The following DLGAP2 variants were observed in gnomAD, a reference collection of about 807,000 sequenced individuals.
DLGAP2 encodes disks large-associated protein 2.
DLGAP2 carries 26 observed loss-of-function variants against 100.3 expected under a neutral mutation model. That is an observed-to-expected ratio of 0.26 (90% CI 0.19 to 0.36). DLGAP2 has a LOEUF of 0.36. Among genes scored for constraint, DLGAP2 ranks in the 10% least tolerant of loss-of-function variants. DLGAP2 has a pLI of 1.00. For synonymous variants in DLGAP2, 886 were observed against 630.1 expected (o/e 1.41, Z -6.08); for missense variants, 1,858 against 1,453.2 (o/e 1.28, Z -4.53).
intron 3 of DLGAP2, among the ~76,000 whole-genome samples, chr8:1,353,886 A>G (rs1801789849): frequency 6.6e-6 from 1 of 152,190 alleles, no homozygotes; most frequent in Non-Finnish European, 1.5e-5. Flanking sequence ...ATATCCCTAG[A>G]GGGGAAAAAA....
intron 1 of DLGAP2, among the ~76,000 whole-genome samples, chr8:801,554 G>A (rs1034432682): frequency 6.6e-6 from 1 of 152,186 alleles, no homozygotes; most frequent in African/African-American, 2.4e-5. Context: ...TGCCTGGTTC[G>A]GCCTTAGCCC....
intron 3 of DLGAP2, among the ~76,000 whole-genome samples, chr8:1,341,339 G>A (rs1801411746): frequency 6.6e-6 from 1 of 152,172 alleles, no homozygotes; most frequent in South Asian, 2.1e-4. Flanking sequence ...ACAGAGACGT[G>A]CAGTCCTTTT....
chr8:1,471,368 C>G (rs941058103), intron 3 of DLGAP2, among the ~76,000 whole-genome samples: 1 of 150,354 alleles, frequency 6.7e-6, no homozygotes, highest in Non-Finnish European at 1.5e-5. Flanking sequence ...TTCCCGACCC[C>G]TCCAGCCTTT....
At chr8:856,269 A>C (rs1014187698) in intron 1 of DLGAP2, among the ~76,000 whole-genome samples, 2 of 149,942 alleles carry the variant, frequency 1.3e-5, no homozygotes, top group African/African-American at 4.9e-5. Flanking sequence ...GCTCGCTACA[A>C]CCTTCGCCTC....
At chr8:861,510 T>C (rs1797390559) in intron 1 of DLGAP2, among the ~76,000 whole-genome samples, 1 of 152,212 alleles carries the variant, frequency 6.6e-6, no homozygotes, top group Admixed American at 6.5e-5. Context: ...TCCTGTCGTA[T>C]TTCTTACTGC....
intron 4 of DLGAP2, among the ~76,000 whole-genome samples, chr8:1,504,291 A>C (rs1360306110): frequency 6.6e-6 from 1 of 152,180 alleles, no homozygotes; most frequent in Non-Finnish European, 1.5e-5. Flanking sequence ...CACGGATATA[A>C]ATTGTGTGTA....
chr8:1,366,342 C>T (rs1217159278), intron 3 of DLGAP2, among the ~76,000 whole-genome samples: 1 of 152,160 alleles, frequency 6.6e-6, no homozygotes, highest in Non-Finnish European at 1.5e-5. Context: ...TTAGGAATTC[C>T]CAGGCTGGAG....
intron 1 of DLGAP2, among the ~76,000 whole-genome samples, chr8:879,186 A>G (rs1432705113): frequency 6.6e-6 from 1 of 152,246 alleles, no homozygotes; most frequent in East Asian, 1.9e-4. Context: ...GGACCAGTTT[A>G]TTCACTGTGA....
intron 2 of DLGAP2, among the ~76,000 whole-genome samples, chr8:1,164,250 C>T (rs111746974): frequency 0.16 from 1,807 of 11,014 alleles, 3 homozygotes; most frequent in South Asian, 0.22. Flanking sequence ...TTTCTGTGAG[C>T]CCCCCCAGGG....
At chr8:1,025,311 G>A (rs143795480) in intron 2 of DLGAP2, among the ~76,000 whole-genome samples, 37 of 152,208 alleles carry the variant, frequency 2.4e-4, no homozygotes, top group African/African-American at 5.1e-4. Flanking sequence ...ACTTCATGAC[G>A]TGTCTGAAGA....
At chr8:1,071,174 A>G (rs1321683413) in intron 2 of DLGAP2, among the ~76,000 whole-genome samples, 1 of 152,132 alleles carries the variant, frequency 6.6e-6, no homozygotes, top group Non-Finnish European at 1.5e-5. Flanking sequence ...GGAGGAGAGG[A>G]TGGTGAGTGG....
At chr8:1,142,684 G>A (rs539805895) in intron 2 of DLGAP2, among the ~76,000 whole-genome samples, 82 of 152,284 alleles carry the variant, frequency 5.4e-4, no homozygotes, top group Non-Finnish European at 2.6e-4. Context: ...CCGTTGGAAC[G>A]GCTTTGCTAG....
At chr8:871,956 T>C (rs1242130985) in intron 1 of DLGAP2, among the ~76,000 whole-genome samples, 1 of 152,232 alleles carries the variant, frequency 6.6e-6, no homozygotes, top group Non-Finnish European at 1.5e-5. Flanking sequence ...CTTGTTGAAT[T>C]TCTTCTTACA....
chr8:737,981 G>C (rs1820363009), intron 1 of DLGAP2, 156 bp downstream of exon 1: 2 of 330,196 alleles, frequency 6.1e-6, no homozygotes, highest in Non-Finnish European at 1.1e-5. Context: ...CGGGGCCGGA[G>C]CGCTGGGGAC....
At chr8:1,161,226 T>C (rs1457758927) in intron 2 of DLGAP2, among the ~76,000 whole-genome samples, 1 of 152,132 alleles carries the variant, frequency 6.6e-6, no homozygotes, top group Non-Finnish European at 1.5e-5. Flanking sequence ...GTGGCTGGCA[T>C]GGATAGAACC....
chr8:971,851 T>G (rs182983324), intron 2 of DLGAP2, among the ~76,000 whole-genome samples: 1 of 152,148 alleles, frequency 6.6e-6, no homozygotes, highest in Non-Finnish European at 1.5e-5. Flanking sequence ...CTTCCTTCCT[T>G]ACACAGGGGG....
chr8:930,764 A>C (rs1798938666), intron 2 of DLGAP2, among the ~76,000 whole-genome samples: 1 of 152,208 alleles, frequency 6.6e-6, no homozygotes, highest in Non-Finnish European at 1.5e-5. Context: ...TGGGAGCCAC[A>C]CCAGTGTGCC....
At chr8:1,594,559 CA>C (rs1244953697) in intron 6 of DLGAP2, among the ~76,000 whole-genome samples, 4 of 151,964 alleles carry the variant, frequency 2.6e-5, no homozygotes, top group Non-Finnish European at 5.9e-5. Flanking sequence ...CAAAAAATAG[CA>C]ATAAAAAGAG....
At position 1,204,868 on chromosome 8, in the gene DLGAP2, G is replaced by A. The variant is rs576967251; in HGVS notation, c.74-53983G>A. ...AAATTACAGATGGCCTTGAACACCG[G>A]CCCTCTCCAGAGCCTGGACTTGGTC... On this transcript the variant is annotated intron_variant, in intron 2 of 14. Coordinates refer to ENST00000637795, the MANE Select transcript of DLGAP2 (RefSeq NM_001346810.2). Among the ~76,000 whole-genome samples the A allele has an allele frequency of 7.9e-5, 12 of 152,340 alleles. No individual in the cohort carries two copies. The East Asian group carries it at 1.7e-3, about 22-fold the overall frequency.
Sources: gnomAD v4.1 joint callset for allele counts (sites outside exome capture counted in the v4.1 genomes callset) on GRCh38, gnomAD v4.1.1 for gene constraint, MANE v1.5 for transcripts, NCBI Gene and HGNC (gene_info 2026-07-23, HGNC 2026-07-21) for gene names.